CDC42BPA: variants seen among roughly 807,000 people sequenced by gnomAD.
The protein encoded by CDC42BPA is serine/threonine-protein kinase MRCK alpha.
Under a neutral mutation model 223.5 loss-of-function variants are expected in CDC42BPA, and 80 were observed. The observed-to-expected ratio is 0.36, with a 90% CI of 0.30 to 0.43. The LOEUF (loss-of-function observed/expected upper bound fraction) is 0.43, where lower values mean the gene tolerates loss of function less well. CDC42BPA is among the 20% of genes least tolerant of loss of function. The pLI is 1.00. For missense variants in CDC42BPA, 1,743 were observed against 2,099.9 expected, an observed-to-expected ratio of 0.83 and a Z score of 3.32; for synonymous variants, 694 against 718.6, an observed-to-expected ratio of 0.97 and a Z score of 0.55.
chr1:227,125,441 G>A (rs1269670884), intron 11 of CDC42BPA, among the ~76,000 whole-genome samples: 5 of 151,632 alleles, frequency 3.3e-5, no homozygotes, highest in Admixed American at 2.6e-4. Context: ...GCGAGACCCC[G>A]TCTCTACTAA....
At chr1:227,253,526 G>A (rs949044394) in intron 2 of CDC42BPA, among the ~76,000 whole-genome samples, 4 of 109,626 alleles carry the variant, frequency 3.6e-5, no homozygotes, top group Admixed American at 2.5e-4. Context: ...AATCCGGGAG[G>A]TGGAGGTTGT....
At position 227,145,615 on chromosome 1, in the gene CDC42BPA, T is replaced by C. The variant is rs777266657; in HGVS notation, c.1017A>G (p.Lys339=). ...AATCAATTCCACTGAAAAATGGGTG[T>C]TTCTTAAAGTCTTCTATTCCATTTT... ...LGQNGIEDFK[K]HPFFSGIDWD... The change falls in exon 8 of 37, where the codon AAA becomes AAG. Residue 339 remains lysine, a synonymous_variant. Transcript: ENST00000366766. The C allele has an allele frequency of 6.2e-7, 1 of 1,613,874 alleles. No individual in the cohort carries two copies. The highest frequency in any genetic ancestry group is 8.5e-7 in the Non-Finnish European group (1 of 1,179,866).
At chr1:227,003,164 A>G (rs1209228775) in intron 35 of CDC42BPA, among the ~76,000 whole-genome samples, 2 of 152,254 alleles carry the variant, frequency 1.3e-5, no homozygotes, top group Non-Finnish European at 2.9e-5. Context: ...AATCTGCATC[A>G]GAAGACTTGA....
chr1:227,146,730 A>G (rs868601679), intron 7 of CDC42BPA, among the ~76,000 whole-genome samples: 4 of 152,220 alleles, frequency 2.6e-5, no homozygotes, highest in Middle Eastern at 3.4e-3. Flanking sequence ...AAATAACGTT[A>G]GAATAGGTAT....
chr1:226,994,113 A>C lies in CDC42BPA; in HGVS notation c.*155T>G. 1 of 603,404 alleles carries C rather than the reference A, an allele frequency of 1.7e-6. No individual in the cohort carries two copies. The highest frequency in any genetic ancestry group is 2.1e-5 in the South Asian group (1 of 48,082). 37.4% of individuals were successfully genotyped at this position (603,404 alleles called of 1,614,324 possible). A position where few individuals can be genotyped will look rare whatever the true frequency, so the allele number is the denominator to read the frequency against. ...GTTAGGCTGGGGGCGTGGATCTGAG[A>C]GTCGTGTCGTCAGAACTCCTGAATC... On this transcript the variant is annotated 3_prime_UTR_variant, in exon 37 of 37. Transcript: ENST00000366766. The surrounding 1 kb of genome is among the most constrained non-coding windows in gnomAD (Gnocchi z 4.0).
At chr1:227,149,057 T>C (rs1661249717) in intron 6 of CDC42BPA, among the ~76,000 whole-genome samples, 2 of 152,060 alleles carry the variant, frequency 1.3e-5, no homozygotes, top group South Asian at 4.1e-4. Flanking sequence ...GGGGGCGAGT[T>C]TGAAGACAAA....
chr1:227,171,524 A>C (rs1442256903), intron 5 of CDC42BPA, among the ~76,000 whole-genome samples: 2 of 152,118 alleles, frequency 1.3e-5, no homozygotes, highest in Non-Finnish European at 2.9e-5. Context: ...GGCTGAGGTC[A>C]GAGGATCACC....
In CDC42BPA at chr1:227,318,407, C is replaced by CT. The variant is rs1265433268; in HGVS notation, c.-1226dup. On this transcript the variant is annotated 5_prime_UTR_variant, in exon 1 of 37. Transcript: ENST00000366766. ...AGCCCTCCCCCGCCTTCCCTCTCCT[C>CT]TCGCGCTCGCGCCCTGGGCTCAGCG... The CT allele has an allele frequency of 2.0e-5, 3 of 152,548 alleles. No individual in the cohort carries two copies. The highest frequency in any genetic ancestry group is 7.2e-5 in the African/African-American group (3 of 41,396). 9.4% of individuals were successfully genotyped at this position (152,548 alleles called of 1,614,324 possible). A position where few individuals can be genotyped will look rare whatever the true frequency, so the allele number is the denominator to read the frequency against.
At chr1:227,045,389 T>A (rs1672237756) in intron 23 of CDC42BPA, among the ~76,000 whole-genome samples, 1 of 152,222 alleles carries the variant, frequency 6.6e-6, no homozygotes, top group Admixed American at 6.5e-5. Context: ...CTTAAAGGTT[T>A]AAAAAGTTCT....
At chr1:227,141,747 T>C (rs1659713184) in intron 9 of CDC42BPA, among the ~76,000 whole-genome samples, 1 of 152,132 alleles carries the variant, frequency 6.6e-6, no homozygotes, top group Non-Finnish European at 1.5e-5. Flanking sequence ...GAGGCTGTAG[T>C]TATCTATGAC....
intron 14 of CDC42BPA, among the ~76,000 whole-genome samples, chr1:227,111,027 A>G (rs1190495572): frequency 6.6e-6 from 1 of 152,230 alleles, no homozygotes; most frequent in East Asian, 1.9e-4. Flanking sequence ...TGTGTTTTCA[A>G]TAAGCTAGGT....
intron 21 of CDC42BPA, among the ~76,000 whole-genome samples, chr1:227,061,013 G>A (rs1034862599): frequency 2.6e-5 from 4 of 152,144 alleles, no homozygotes; most frequent in African/African-American, 7.2e-5. Flanking sequence ...GAACCACCGC[G>A]CCTGGCCAGA....
chr1:227,058,117 C>G (rs771538935), intron 21 of CDC42BPA, among the ~76,000 whole-genome samples: 37 of 152,122 alleles, frequency 2.4e-4, no homozygotes, highest in Admixed American at 7.2e-4. Context: ...TTTTAAGTCT[C>G]TACAAGTTTC....
At chr1:227,167,354 A>G (rs978267403) in intron 5 of CDC42BPA, among the ~76,000 whole-genome samples, 2 of 152,188 alleles carry the variant, frequency 1.3e-5, no homozygotes, top group Non-Finnish European at 2.9e-5. Context: ...TTATGCAGAA[A>G]ATACTCTTTA....
At position 227,180,098 on chromosome 1, in the gene CDC42BPA, C is replaced by T. The variant is rs370526878; in HGVS notation, c.599+13688G>A. On this transcript the variant is annotated intron_variant, in intron 5 of 36. Transcript: ENST00000366766. ...GCACAAACCTGTAATCCAAGCTACTCAGGAGGCTGAGGCACGAGACTCGCT... is the reference window on the plus strand; with the variant it reads ...GCACAAACCTGTAATCCAAGCTACTTAGGAGGCTGAGGCACGAGACTCGCT... Among the ~76,000 whole-genome samples, 24 of 152,196 alleles carry T rather than the reference C, an allele frequency of 1.6e-4. No homozygotes were observed. The East Asian group carries it at 4.1e-3, about 26-fold the overall frequency.
At chr1:227,040,291 G>T in intron 23 of CDC42BPA, 55 bp from the exon 24 acceptor site, 1 of 1,109,520 alleles carries the variant, frequency 9.0e-7, no homozygotes, top group Non-Finnish European at 1.4e-6. Flanking sequence ...TTTCCATAAT[G>T]TGAGTCCTTA....
intron 7 of CDC42BPA, 39 bp from the exon 8 acceptor site, chr1:227,145,776 T>A (rs1431268212): frequency 1.3e-6 from 2 of 1,533,800 alleles, no homozygotes; most frequent in African/African-American, 2.8e-5. Flanking sequence ...TAAATCAGTG[T>A]TTAACATACT....
chr1:227,226,284 G>C (rs890007297), intron 2 of CDC42BPA, among the ~76,000 whole-genome samples: 6 of 152,160 alleles, frequency 3.9e-5, no homozygotes, highest in African/African-American at 1.2e-4. Flanking sequence ...TTTGCATTTA[G>C]GAGAAAATAA....
chr1:227,027,449 T>C (rs891003369), intron 30 of CDC42BPA, among the ~76,000 whole-genome samples: 1 of 152,216 alleles, frequency 6.6e-6, no homozygotes, highest in African/African-American at 2.4e-5. Context: ...TTCTTGCACC[T>C]GTCTTCTGAA....
Sources: gnomAD v4.1 joint callset for allele counts (sites outside exome capture counted in the v4.1 genomes callset) on GRCh38, gnomAD v4.1.1 for gene constraint, Gnocchi (gnomAD v3.1) non-coding constraint, MANE v1.5 for transcripts, NCBI Gene and HGNC (gene_info 2026-07-23, HGNC 2026-07-21) for gene names.